The following YJEFN3 variants were observed in gnomAD, a reference collection of about 807,000 sequenced individuals.
YJEFN3 encodes yjeF N-terminal domain-containing protein 3.
In YJEFN3, 29 loss-of-function variants were observed where a neutral mutation model predicts 31.5. That is an observed-to-expected ratio of 0.92 (90% CI 0.69 to 1.26). YJEFN3 has a LOEUF of 1.26. Ranked by LOEUF, YJEFN3 falls within the 50% of genes most tolerant of loss-of-function variation. The pLI, the probability that YJEFN3 is intolerant of heterozygous loss-of-function variation, is 0.00. For missense variants in YJEFN3, 442 were observed against 425.4 expected, an observed-to-expected ratio of 1.04 and a Z score of -0.34; for synonymous variants, 227 against 196.1, an observed-to-expected ratio of 1.16 and a Z score of -1.32.
In YJEFN3 at chr19:19,537,545, G is replaced by A. The variant is rs1382550765; in HGVS notation, c.*21G>A. On this transcript the variant is annotated 3_prime_UTR_variant, in exon 7 of 7. Transcript: ENST00000514277. The stretch of plus-strand genomic sequence containing the variant: ...TGTGACCGCCACCCGCGGCCACACC[G>A]CAGGGACCCTCGCCAATAAACAGCC... The A allele has an allele frequency of 2.6e-6, 4 of 1,521,006 alleles. No homozygotes were observed. The highest frequency in any genetic ancestry group is 2.4e-5 in the East Asian group (1 of 42,416). 94.2% of individuals were successfully genotyped at this position (1,521,006 alleles called of 1,614,324 possible).
intron 2 of YJEFN3, 128 bp downstream of exon 2, chr19:19,529,641 TC>T (rs774229695): frequency 3.2e-5 from 41 of 1,265,180 alleles, no homozygotes; most frequent in Non-Finnish European, 4.4e-5. Context: ...GTCCAACAGC[TC>T]CTGCCCACTG....
chr19:19,531,494 C>G (rs1360494261), intron 2 of YJEFN3, among the ~76,000 whole-genome samples: 1 of 152,142 alleles, frequency 6.6e-6, no homozygotes, highest in Non-Finnish European at 1.5e-5. Flanking sequence ...TAGCTCACTG[C>G]AGCCTCCACC....
In YJEFN3 at chr19:19,535,535, C is replaced by T; in HGVS notation, c.550C>T (p.Leu184Phe). Residue 184 changes from leucine to phenylalanine, a missense_variant, in exon 6 of 7, where the codon CTC (leucine) becomes TTC (phenylalanine). Transcript: ENST00000514277. ...CCCTGCCTGCCTTCCCCAGGTGCAG[C>T]TCATTAACGAAGCCTATGGGCTGGT... ...FLSYLPTEVQ[L>F]INEAYGLVVD... 6.2e-7 allele frequency: 1 copy of T among 1,602,480 alleles called. No individual in the cohort carries two copies. The highest frequency in any genetic ancestry group is 8.5e-7 in the Non-Finnish European group (1 of 1,173,040).
chr19:19,535,407 G>A lies in YJEFN3; in HGVS notation c.500G>A (p.Cys167Tyr), dbSNP rs2061198575. The A allele has an allele frequency of 1.9e-6, 3 of 1,613,930 alleles. No homozygotes were observed. The highest frequency in any genetic ancestry group is 2.7e-5 in the African/African-American group (2 of 74,934). Residue 167 changes from cysteine (C) to tyrosine (Y), a missense_variant, in exon 5 of 7, where the codon TGC (cysteine) becomes TAC (tyrosine). Transcript: ENST00000514277. ...DLLHRDLTTQ[C>Y]EKMDIPFLSY... The stretch of plus-strand genomic sequence containing the variant: ...CTGCATCGGGACCTGACCACCCAGT[G>A]CGAGAAGATGGACATCCCCTTCCTG...
At position 19,530,262 on chromosome 19, in the gene YJEFN3, C is replaced by T. The variant is rs550320270; in HGVS notation, c.209+749C>T. On this transcript the variant is annotated intron_variant, in intron 2 of 6. Transcript: ENST00000514277. ...CTTGAAGCTTCTCTCATCTAGGGGC[C>T]GAGATTCGGGATAGCAAAAGGCACC... is the stretch of plus-strand genomic sequence containing the variant. Among the ~76,000 whole-genome samples, 63 of 152,074 alleles carry T rather than the reference C, an allele frequency of 4.1e-4. 1 individual carries two copies. Among genetic ancestry groups the T allele is most frequent in the Non-Finnish European group, 8.2e-4 (56 of 67,964 alleles).
At chr19:19,536,511 T>C (rs1459251820) in intron 6 of YJEFN3, among the ~76,000 whole-genome samples, 1 of 151,828 alleles carries the variant, frequency 6.6e-6, no homozygotes, top group East Asian at 1.9e-4. Context: ...CGAAACCCAG[T>C]CTCTACAAAA....
rs1451060356 is a variant in YJEFN3, at chr19:19,529,496, A to G, written c.192A>G (p.Ala64=). Residue 64 remains alanine (A), a synonymous_variant, in exon 2 of 7, where the codon GCA becomes GCG. Coordinates refer to ENST00000514277, the MANE Select transcript of YJEFN3 (RefSeq NM_198537.4). ...RQSWLEQIWN[A]GPVCQSTAEA... ...CATGGCTAGAGCAGATTTGGAACGCAGGGCCTGTTTGCCAGAGGTTGGTGA... is the reference window on the plus strand; with the variant it reads ...CATGGCTAGAGCAGATTTGGAACGCGGGGCCTGTTTGCCAGAGGTTGGTGA... The G allele has an allele frequency of 6.2e-7, 1 of 1,613,898 alleles. No homozygotes were observed. The highest frequency in any genetic ancestry group is 1.1e-5 in the South Asian group (1 of 91,058).
intron 3 of YJEFN3, 85 bp downstream of exon 3, chr19:19,532,825 C>T: frequency 8.1e-7 from 1 of 1,238,454 alleles, no homozygotes; most frequent in East Asian, 2.8e-5. Context: ...CAGGGTGGTT[C>T]ACCCCTCAAG....
chr19:19,534,267 G>A lies in YJEFN3; in HGVS notation c.319-767G>A, dbSNP rs749123348. The stretch of plus-strand genomic sequence containing the variant: ...GAGACAAATGGAGAGAGAGACAAAT[G>A]GAGAAAGAGAGCCAGAGACATACAG... On this transcript the variant is annotated intron_variant, in intron 3 of 6. Coordinates refer to ENST00000514277, the MANE Select transcript of YJEFN3 (RefSeq NM_198537.4). This position sits in a 1 kb window ranked among gnomAD's most constrained non-coding sequence, Gnocchi z 4.6. 4.7e-4 allele frequency: 340 copies of A among 729,102 alleles called. No homozygotes were observed. Among genetic ancestry groups the A allele is most frequent in the Admixed American group, 5.7e-4 (9 of 15,784 alleles). 45.2% of individuals were successfully genotyped at this position (729,102 alleles called of 1,614,324 possible).
At chr19:19,531,481 T>C (rs934665589) in intron 2 of YJEFN3, among the ~76,000 whole-genome samples, 1 of 152,140 alleles carries the variant, frequency 6.6e-6, no homozygotes, top group African/African-American at 2.4e-5. Flanking sequence ...AGTGGCGTGA[T>C]CATAGCTCAC....
chr19:19,532,726 G>A lies in YJEFN3; in HGVS notation c.304G>A (p.Val102Met), dbSNP rs775969643. The A allele has an allele frequency of 1.2e-5, 19 of 1,570,202 alleles. No individual in the cohort carries two copies. Among genetic ancestry groups the A allele is most frequent in the East Asian group, 7.1e-5 (3 of 42,468 alleles). Residue 102 changes from valine (V) to methionine (M), a missense_variant, in exon 3 of 7, where the codon GTG becomes ATG. Val to Met is a conservative substitution (Grantham distance 21). Transcript: ENST00000514277. ...GGAGCTGTGCGGTCATGCTAGTGCC[G>A]TGGCTGTGACCAAGGTACCTGACCC... ...LVELCGHASA[V>M]AVTKAFPLPA... is the part of the protein sequence containing the mutation.
intron 6 of YJEFN3, 133 bp downstream of exon 6, chr19:19,535,812 G>A (rs1462109497): frequency 1.6e-6 from 2 of 1,217,018 alleles, no homozygotes; most frequent in Non-Finnish European, 2.3e-6. Context: ...CTTGGCTGAG[G>A]CTAAGGGTCA....
intron 2 of YJEFN3, 76 bp downstream of exon 2, chr19:19,529,589 G>A: frequency 6.4e-7 from 1 of 1,554,804 alleles, no homozygotes; most frequent in Admixed American, 1.9e-5. Context: ...TTGTGACATG[G>A]GACCCCAGGC....
intron 2 of YJEFN3, among the ~76,000 whole-genome samples, chr19:19,530,330 C>T (rs2061142435): frequency 6.6e-6 from 1 of 152,208 alleles, no homozygotes; most frequent in Admixed American, 6.5e-5. Context: ...AGGGACCTGC[C>T]CTGCCTGCCA....
chr19:19,534,779 C>T lies in YJEFN3; in HGVS notation c.319-255C>T, dbSNP rs375561377. The T allele has an allele frequency of 3.8e-5, 14 of 369,894 alleles. No individual in the cohort carries two copies. The South Asian group carries it at 1.0e-3, about 28-fold the overall frequency. The allele number at this position is 369,894 out of a possible 1,614,324, so 22.9% of individuals were successfully genotyped here. A position where few individuals can be genotyped will look rare whatever the true frequency, so the allele number is the denominator to read the frequency against. On this transcript the variant is annotated intron_variant, in intron 3 of 6. Coordinates refer to ENST00000514277, the MANE Select transcript of YJEFN3 (RefSeq NM_198537.4). The surrounding 1 kb of genome is among the most constrained non-coding windows in gnomAD (Gnocchi z 4.6). ...GAGAATAAACAAACCGCACTCCGGG[C>T]GACGGGCAGTGGCTGGATGCACGTT...
In YJEFN3 at chr19:19,534,142, G is replaced by C. The variant is rs191252415; in HGVS notation, c.319-892G>C. On this transcript the variant is annotated intron_variant, in intron 3 of 6. Coordinates refer to ENST00000514277, the MANE Select transcript of YJEFN3 (RefSeq NM_198537.4). This position sits in a 1 kb window ranked among gnomAD's most constrained non-coding sequence, Gnocchi z 4.6. ...TGGGGCCACGCAGAATCAGGGCAGG[G>C]CTGGGGCCAAAATGCCTGGAGAGAC... 127 of 985,766 alleles carry C rather than the reference G, an allele frequency of 1.3e-4. 1 individual carries two copies. The African/African-American group carries it at 2.0e-3, about 15-fold the overall frequency. 61.1% of individuals were successfully genotyped at this position (985,766 alleles called of 1,614,324 possible).
At chr19:19,535,753 C>A in intron 6 of YJEFN3, 74 bp downstream of exon 6, 1 of 1,516,162 alleles carries the variant, frequency 6.6e-7, no homozygotes, top group Non-Finnish European at 8.9e-7. Flanking sequence ...AGCTCCTGGT[C>A]GCCCCTGCCT....
intron 2 of YJEFN3, among the ~76,000 whole-genome samples, chr19:19,530,763 T>G (rs1287997891): frequency 2.0e-5 from 3 of 152,220 alleles, no homozygotes; most frequent in African/African-American, 7.2e-5. Flanking sequence ...CACCCCGTCC[T>G]TCAACTTCAT....
chr19:19,529,386 C>T lies in YJEFN3; in HGVS notation c.82C>T (p.Leu28Phe), dbSNP rs369795443. The T allele has an allele frequency of 2.1e-5, 34 of 1,613,300 alleles. No individual in the cohort carries two copies. Among genetic ancestry groups the T allele is most frequent in the Non-Finnish European group, 2.6e-5 (31 of 1,179,644 alleles). ...FLRALELQPPLADMGRAELSS... is the reference protein window; with the variant it reads ...FLRALELQPPFADMGRAELSS... ...CAGGGCCTTGGAGCTGCAGCCCCCA[C>T]TTGCCGACATGGGAAGAGCGGAGCT... Residue 28 changes from leucine (L) to phenylalanine (F), a missense_variant, in exon 2 of 7, where the codon CTT becomes TTT. Coordinates refer to ENST00000514277, the MANE Select transcript of YJEFN3 (RefSeq NM_198537.4).
Sources: allele counts gnomAD v4.1 joint callset (sites outside exome capture counted in the v4.1 genomes callset), GRCh38; gene constraint gnomAD v4.1.1; non-coding constraint Gnocchi (gnomAD v3.1); transcripts MANE v1.5; gene names NCBI Gene and HGNC (gene_info 2026-07-23, HGNC 2026-07-21).